The following KLHL12 variants were observed in gnomAD, a reference collection of about 807,000 sequenced individuals.
The protein encoded by KLHL12 is kelch like family member 12, also known as kelch-like protein 12.
In KLHL12, 17 loss-of-function variants were observed where a neutral mutation model predicts 60.8. The ratio of observed to expected loss-of-function variants is 0.28; its 90% CI spans 0.19 to 0.42. KLHL12 has a LOEUF of 0.42. Among genes scored for constraint, KLHL12 ranks in the 10% least tolerant of loss-of-function variants. The pLI is 1.00. For synonymous variants in KLHL12, 220 were observed against 250.9 expected, an observed-to-expected ratio of 0.88 and a Z score of 1.16; for missense variants, 468 against 722.3, an observed-to-expected ratio of 0.65 and a Z score of 4.04.
Position 202,924,999 on chromosome 1 carries a change from C to CT in KLHL12, c.163dup (p.Ser55LysfsTer2). 2 of 1,614,166 alleles carry CT rather than the reference C, an allele frequency of 1.2e-6. No individual in the cohort carries two copies. Among genetic ancestry groups the CT allele is most frequent in the Non-Finnish European group, 1.7e-6 (2 of 1,180,028 alleles). On this transcript the variant is annotated frameshift_variant, in exon 2 of 12. Transcript: ENST00000367261. LOFTEE classifies it high-confidence loss of function. ...AGTGAACATGGCACAGAAGTAATCA[C>CT]TACAGGCAGCCAGCACAATCCGATG...
intron 6 of KLHL12, among the ~76,000 whole-genome samples, chr1:202,904,015 T>TC (rs59164156): frequency 0.033 from 4,990 of 151,586 alleles, 92 homozygotes; most frequent in South Asian, 0.062. Flanking sequence ...TATCTATCTA[T>TC]TTATCTATCT....
intron 1 of KLHL12, among the ~76,000 whole-genome samples, chr1:202,925,733 GTAAAAA>G (rs1653513919): frequency 6.6e-6 from 1 of 152,130 alleles, no homozygotes; most frequent in Non-Finnish European, 1.5e-5. Flanking sequence ...AGGCCACTCA[GTAAAAA>G]TAAACTTTTT....
At chr1:202,911,237 C>A in intron 4 of KLHL12, 34 bp from the exon 5 acceptor site, 1 of 1,609,596 alleles carries the variant, frequency 6.2e-7, no homozygotes, top group Non-Finnish European at 8.5e-7. Flanking sequence ...GTGGATCCTA[C>A]TTTTCCAATT....
chr1:202,918,986 C>T (rs560821155), intron 3 of KLHL12, among the ~76,000 whole-genome samples: 3 of 152,254 alleles, frequency 2.0e-5, no homozygotes, highest in East Asian at 3.9e-4. Context: ...AACGGTGGCT[C>T]GTGCCTATAA....
intron 4 of KLHL12, chr1:202,912,775 C>T: frequency 8.4e-7 from 1 of 1,187,138 alleles, no homozygotes; most frequent in Non-Finnish European, 1.2e-6. Flanking sequence ...GGAGAAGTGA[C>T]AGGGAAGCTA....
rs1475981831 is a variant in KLHL12 at position 202,924,972 on chromosome 1, C to T, written c.191G>A (p.Ser64Asn). 1.2e-6 allele frequency: 2 copies of T among 1,613,826 alleles called. No homozygotes were observed. The highest frequency in any genetic ancestry group is 2.2e-5 in the East Asian group (1 of 44,884). Reference sequence around the variant, plus strand: ...TGGGGCTAATTTACCACTTACCTCACTAGTGAACATGGCACAGAAGTAATC... The same window carrying T: ...TGGGGCTAATTTACCACTTACCTCATTAGTGAACATGGCACAGAAGTAATC... ...CSDYFCAMFT[S>N]ELSEKGKPYV... Residue 64 changes from serine (S) to asparagine (N), a missense_variant, in exon 2 of 12, where the codon AGT (serine) becomes AAT (asparagine). Coordinates refer to ENST00000367261, the MANE Select transcript of KLHL12 (RefSeq NM_021633.4).
chr1:202,909,016 G>A lies in KLHL12; in HGVS notation c.826C>T (p.Arg276Cys), dbSNP rs1056449233. ...TGCCGAGATACCAGCTTACCTAGGC[G>A]AGCCCTTGTCCTGGGTCCCTGCATC... ...SQMQGPRTRA[R>C]LGANEVLLVV... Residue 276 changes from arginine (R) to cysteine (C), a missense_variant, in exon 6 of 12, where the codon CGC becomes TGC. This residue lies in a region of KLHL12 where 339 missense variants were observed against 525.0 expected (regional missense o/e 0.65). Transcript: ENST00000367261. This position sits in a 1 kb window ranked among gnomAD's most constrained non-coding sequence, Gnocchi z 4.1. 3 of 1,609,510 alleles carry A rather than the reference G, an allele frequency of 1.9e-6. No homozygotes were observed. Among genetic ancestry groups the A allele is most frequent in the Non-Finnish European group, 2.6e-6 (3 of 1,176,040 alleles).
chr1:202,895,838 C>A lies in KLHL12; in HGVS notation c.940-121G>T. On this transcript the variant is annotated intron_variant, in intron 7 of 11. Transcript: ENST00000367261. The surrounding 1 kb of genome is among the most constrained non-coding windows in gnomAD (Gnocchi z 4.2). ...CTGCTTCTTCACCTGTCATCATGAA[C>A]CCTCCTTAAGTGGTTCATCCTCAAG... 1 of 738,526 alleles carries A rather than the reference C, an allele frequency of 1.4e-6. No individual in the cohort carries two copies. Among genetic ancestry groups the A allele is most frequent in the Non-Finnish European group, 2.3e-6 (1 of 441,794 alleles). The allele number at this position is 738,526 out of a possible 1,614,324, so 45.7% of individuals were successfully genotyped here.
At chr1:202,897,071 T>C (rs1268539993) in intron 6 of KLHL12, 111 bp from the exon 7 acceptor site, 2 of 824,512 alleles carry the variant, frequency 2.4e-6, no homozygotes, top group East Asian at 2.4e-5. Context: ...TTTATGTGGC[T>C]GAGGGATGCA....
chr1:202,925,122 G>A lies in KLHL12; in HGVS notation c.41C>T (p.Thr14Ile). Reference protein sequence around the residue: ...IMAPKDIMTNTHAKSILNSMN... With the variant: ...IMAPKDIMTNIHAKSILNSMN... ...TGAATTGAGGATGGATTTAGCATGA[G>A]TATTTGTCATTATGTCTTTGGGGGC... Residue 14 changes from threonine to isoleucine, a missense_variant, in exon 2 of 12, where the codon ACT (threonine) becomes ATT (isoleucine). Around this residue, in one of 4 missense-constraint regions of KLHL12, gnomAD observed 61 missense variants for 59.9 expected, o/e 1.02. Transcript: ENST00000367261. 2.5e-6 allele frequency: 4 copies of A among 1,614,058 alleles called. No individual in the cohort carries two copies. The highest frequency in any genetic ancestry group is 2.5e-6 in the Non-Finnish European group (3 of 1,179,994).
At chr1:202,897,282 C>A (rs1402342221) in intron 6 of KLHL12, among the ~76,000 whole-genome samples, 1 of 126,088 alleles carries the variant, frequency 7.9e-6, no homozygotes, top group Non-Finnish European at 1.6e-5. Context: ...GTTGACCAGG[C>A]TAGAATGCAA....
chr1:202,906,888 C>T (rs1170129650), intron 6 of KLHL12, among the ~76,000 whole-genome samples: 1 of 152,164 alleles, frequency 6.6e-6, no homozygotes, highest in African/African-American at 2.4e-5. Context: ...TCTCGAACTA[C>T]TGACCTCAAG....
chr1:202,893,553 C>A lies in KLHL12; in HGVS notation c.1394-128G>T. The A allele has an allele frequency of 1.4e-6, 1 of 716,716 alleles. No homozygotes were observed. Among genetic ancestry groups the A allele is most frequent in the Non-Finnish European group, 2.3e-6 (1 of 433,702 alleles). The allele number at this position is 716,716 out of a possible 1,614,324, so 44.4% of individuals were successfully genotyped here. ...ATGAGGGATATGGAATGGGCCCACA[C>A]GGGCCTAGAATAATCTAGTCCAGCA... is the stretch of plus-strand genomic sequence containing the variant. On this transcript the variant is annotated intron_variant, in intron 10 of 11. Transcript: ENST00000367261. This position sits in a 1 kb window ranked among gnomAD's most constrained non-coding sequence, Gnocchi z 4.1.
chr1:202,922,434 GAA>G (rs747477655), intron 2 of KLHL12, among the ~76,000 whole-genome samples: 4 of 105,062 alleles, frequency 3.8e-5, no homozygotes, highest in East Asian at 2.7e-4. Context: ...AGGCGTCAAG[GAA>G]AAAAAAAAAA....
chr1:202,905,952 C>T (rs1660170335), intron 6 of KLHL12, among the ~76,000 whole-genome samples: 1 of 147,874 alleles, frequency 6.8e-6, no homozygotes, highest in Non-Finnish European at 1.5e-5. Context: ...CTACAGGTGC[C>T]CGCCACCACA....
At chr1:202,918,994 T>C (rs1053425101) in intron 3 of KLHL12, among the ~76,000 whole-genome samples, 1 of 152,184 alleles carries the variant, frequency 6.6e-6, no homozygotes, top group African/African-American at 2.4e-5. Context: ...CTCGTGCCTA[T>C]AATTCCAGCA....
intron 6 of KLHL12, among the ~76,000 whole-genome samples, chr1:202,903,451 T>C (rs1425507967): frequency 1.2e-5 from 1 of 82,496 alleles, no homozygotes; most frequent in Non-Finnish European, 2.7e-5. Flanking sequence ...GTTTCTCTCA[T>C]GCATTCTTGT....
At chr1:202,904,401 CTT>C (rs1660120568) in intron 6 of KLHL12, among the ~76,000 whole-genome samples, 1 of 152,024 alleles carries the variant, frequency 6.6e-6, no homozygotes, top group Non-Finnish European at 1.5e-5. Context: ...TGTTTTTATT[CTT>C]TGTCATTTCT....
At chr1:202,917,349 G>C (rs1660553989) in intron 4 of KLHL12, among the ~76,000 whole-genome samples, 1 of 152,062 alleles carries the variant, frequency 6.6e-6, no homozygotes, top group African/African-American at 2.4e-5. Context: ...CAAGTAGCTG[G>C]GACCACAGGT....
Sources: allele counts gnomAD v4.1 joint callset (sites outside exome capture counted in the v4.1 genomes callset), GRCh38; gene constraint gnomAD v4.1.1; regional missense constraint gnomAD v4.1.1; non-coding constraint Gnocchi (gnomAD v3.1); transcripts MANE v1.5; gene names NCBI Gene and HGNC (gene_info 2026-07-23, HGNC 2026-07-21).